The following FMN2 variants were observed in gnomAD, a reference collection of about 807,000 sequenced individuals.
FMN2 encodes formin 2, also known as formin-2.
FMN2 carries 51 observed loss-of-function variants against 142.3 expected under a neutral mutation model. The ratio of observed to expected loss-of-function variants is 0.36; its 90% CI spans 0.29 to 0.45. The LOEUF is 0.45. Ranked by LOEUF, FMN2 falls within the 20% of genes least tolerant of loss-of-function variation. The pLI, the probability that FMN2 is intolerant of heterozygous loss-of-function variation, is 1.00. For missense variants in FMN2, 1,936 were observed against 2,122.8 expected, an observed-to-expected ratio of 0.91 and a Z score of 1.73; for synonymous variants, 882 against 869.8, an observed-to-expected ratio of 1.01 and a Z score of -0.25.
rs1276984341 is a variant in FMN2 at position 240,092,241 on chromosome 1, G to T, written c.132G>T (p.Ala44=). 1.3e-6 allele frequency: 2 copies of T among 1,577,122 alleles called. No individual in the cohort carries two copies. Among genetic ancestry groups the T allele is most frequent in the Non-Finnish European group, 8.6e-7 (1 of 1,162,172 alleles). Residue 44 remains alanine (A), a synonymous_variant, in exon 1 of 18, where the codon GCG becomes GCT. Transcript: ENST00000319653. The stretch of plus-strand genomic sequence containing the variant: ...AGAAGGGGAGCGGGGGCAAGAAGGC[G>T]CTAGGCAAGCACGGCAAGGGGGGAG... ...ATKKGSGGKK[A]LGKHGKGGGG...
intron 4 of FMN2, among the ~76,000 whole-genome samples, chr1:240,202,958 T>C (rs1456587808): frequency 6.6e-6 from 1 of 152,170 alleles, no homozygotes; most frequent in African/African-American, 2.4e-5. Context: ...TATATAATCA[T>C]AGTTCATGAA....
intron 3 of FMN2, among the ~76,000 whole-genome samples, chr1:240,184,900 C>T (rs943136269): frequency 3.3e-5 from 5 of 151,922 alleles, no homozygotes; most frequent in African/African-American, 1.2e-4. Context: ...CCCTAAAGGA[C>T]ACTTTCGCCA....
intron 15 of FMN2, among the ~76,000 whole-genome samples, chr1:240,412,347 G>A (rs1674426970): frequency 6.6e-6 from 1 of 152,136 alleles, no homozygotes; most frequent in Admixed American, 6.5e-5. Flanking sequence ...ACGGACTGAA[G>A]AAAATAAGGA....
Position 240,092,508 on chromosome 1 carries a change from C to G in FMN2, c.399C>G (p.Thr133=), listed in dbSNP as rs375101837. The G allele has an allele frequency of 1.2e-6, 2 of 1,607,842 alleles. No individual in the cohort carries two copies. Among genetic ancestry groups the G allele is most frequent in the Non-Finnish European group, 1.7e-6 (2 of 1,177,348 alleles). The change falls in exon 1 of 18, where the codon ACC becomes ACG. Residue 133 remains threonine (T), a synonymous_variant. Coordinates refer to ENST00000319653, the MANE Select transcript of FMN2 (RefSeq NM_020066.5). The part of the protein sequence containing the change: ...LSADEAGLSD[T]ECADPFEVTG... ...CGGACGAGGCCGGCCTGTCGGATACCGAGTGTGCGGACCCTTTTGAGGTGA... is the reference window on the plus strand; with the variant it reads ...CGGACGAGGCCGGCCTGTCGGATACGGAGTGTGCGGACCCTTTTGAGGTGA...
chr1:240,460,920 G>A (rs376286958), intron 16 of FMN2, among the ~76,000 whole-genome samples: 2 of 151,948 alleles, frequency 1.3e-5, no homozygotes, highest in East Asian at 1.9e-4. Context: ...TCCCACTCTG[G>A]GCCTGCTGAT....
At chr1:240,402,332 T>C (rs933794301) in intron 15 of FMN2, among the ~76,000 whole-genome samples, 3 of 152,254 alleles carry the variant, frequency 2.0e-5, no homozygotes, top group African/African-American at 7.2e-5. Flanking sequence ...TGTTTATTCA[T>C]GCATTTTTGC....
At chr1:240,366,897 T>G (rs1243374278) in intron 14 of FMN2, among the ~76,000 whole-genome samples, 1 of 152,214 alleles carries the variant, frequency 6.6e-6, no homozygotes, top group Non-Finnish European at 1.5e-5. Flanking sequence ...TATGAACATT[T>G]GTGTTCACAA....
At chr1:240,333,810 T>C in intron 11 of FMN2, 77 bp from the exon 12 acceptor site, 1 of 1,138,266 alleles carries the variant, frequency 8.8e-7, no homozygotes, top group Non-Finnish European at 1.2e-6. Context: ...ATGAATTCAC[T>C]AGAATCTTTT....
intron 7 of FMN2, among the ~76,000 whole-genome samples, chr1:240,283,862 C>T (rs369464688): frequency 3.9e-5 from 6 of 152,184 alleles, no homozygotes; most frequent in African/African-American, 1.2e-4. Context: ...CCATACTTTC[C>T]AGTTTCCCTT....
chr1:240,472,469 T>G lies in FMN2; in HGVS notation c.5142+16T>G, dbSNP rs1481753066. ...CTCTGGAATTGTAAGTATTACTGAT[T>G]TTTAACTTGTTATTTTCTTTGGCTT... On this transcript the variant is annotated intron_variant, in intron 17 of 17. Coordinates refer to ENST00000319653, the MANE Select transcript of FMN2 (RefSeq NM_020066.5). 2.0e-6 allele frequency: 3 copies of G among 1,518,346 alleles called. No homozygotes were observed. Among genetic ancestry groups the G allele is most frequent in the African/African-American group, 1.4e-5 (1 of 71,976 alleles). The allele number at this position is 1,518,346 out of a possible 1,614,324, so 94.1% of individuals were successfully genotyped here.
chr1:240,192,086 A>G (rs6429187), intron 4 of FMN2, among the ~76,000 whole-genome samples: 98,213 of 152,084 alleles, frequency 0.65, 32,832 homozygotes, highest in African/African-American at 0.82. Context: ...GATCAGCCCT[A>G]CCGAGTCCCC....
At chr1:240,472,475 C>T in intron 17 of FMN2, 22 bp downstream of exon 17, 1 of 1,507,142 alleles carries the variant, frequency 6.6e-7, no homozygotes, top group South Asian at 1.2e-5. Context: ...TGATTTTTAA[C>T]TTGTTATTTT....
At chr1:240,095,913 G>A (rs77485429) in intron 1 of FMN2, among the ~76,000 whole-genome samples, 6,689 of 152,166 alleles carry the variant, frequency 0.044, 212 homozygotes, top group South Asian at 0.094. Flanking sequence ...AGAGCTAGTC[G>A]TTTTTATAAG....
intron 1 of FMN2, among the ~76,000 whole-genome samples, chr1:240,118,547 G>A (rs1271222087): frequency 6.6e-6 from 1 of 152,126 alleles, no homozygotes; most frequent in Non-Finnish European, 1.5e-5. Flanking sequence ...CACAGTGAGG[G>A]ATTTGATTTT....
At chr1:240,191,095 G>A (rs1374957253) in intron 4 of FMN2, among the ~76,000 whole-genome samples, 4 of 152,274 alleles carry the variant, frequency 2.6e-5, no homozygotes, top group East Asian at 1.9e-4. Context: ...TTCTGTGGTC[G>A]TAATGTGAGA....
chr1:240,374,919 T>G (rs1672994529), intron 14 of FMN2, among the ~76,000 whole-genome samples: 1 of 152,130 alleles, frequency 6.6e-6, no homozygotes. Flanking sequence ...TTGTAACTCT[T>G]TTTTCACCTG....
intron 6 of FMN2, among the ~76,000 whole-genome samples, chr1:240,227,480 A>G (rs981195467): frequency 1.3e-5 from 2 of 152,192 alleles, no homozygotes; most frequent in African/African-American, 2.4e-5. Context: ...GTGAAAAATG[A>G]AGGATCTCAG....
chr1:240,121,025 G>A (rs571678493), intron 1 of FMN2, among the ~76,000 whole-genome samples: 27 of 152,282 alleles, frequency 1.8e-4, no homozygotes, highest in African/African-American at 6.5e-4. Context: ...GCTGGACATA[G>A]TGGTGCATGC....
intron 8 of FMN2, among the ~76,000 whole-genome samples, chr1:240,318,811 C>T (rs1302540357): frequency 6.6e-6 from 1 of 151,716 alleles, no homozygotes; most frequent in Non-Finnish European, 1.5e-5. Context: ...AGGATGGTGG[C>T]AGTGGAGGTG....
Sources: allele counts gnomAD v4.1 joint callset (sites outside exome capture counted in the v4.1 genomes callset), GRCh38; gene constraint gnomAD v4.1.1; transcripts MANE v1.5; gene names NCBI Gene and HGNC (gene_info 2026-07-23, HGNC 2026-07-21).